The following COMMD1 variants were observed in gnomAD, a reference collection of about 807,000 sequenced individuals.
COMMD1 encodes the protein copper metabolism domain containing 1.
A neutral mutation model predicts 17.2 loss-of-function variants in COMMD1; 10 were observed. That is an observed-to-expected ratio of 0.58 (90% CI 0.36 to 0.99). The LOEUF (loss-of-function observed/expected upper bound fraction) is 0.99. Among genes scored for constraint, COMMD1 ranks in the 50% least tolerant of loss-of-function variants. COMMD1 has a pLI of 0.01. For missense variants in COMMD1, 270 were observed against 231.8 expected (o/e 1.17, Z -1.07); for synonymous variants, 97 against 91.6 (o/e 1.06, Z -0.34).
intron 1 of COMMD1, among the ~76,000 whole-genome samples, chr2:61,997,827 A>G (rs1668807025): frequency 6.6e-6 from 1 of 152,192 alleles, no homozygotes; most frequent in Admixed American, 6.5e-5. Context: ...ACTTCTCTCT[A>G]GCTGTGAAAG....
At chr2:61,889,264 T>G (rs1669355179) in intron 1 of COMMD1, among the ~76,000 whole-genome samples, 1 of 125,916 alleles carries the variant, frequency 7.9e-6, no homozygotes, top group Admixed American at 9.9e-5. Context: ...GGGAGTGCAG[T>G]GGGGCGATCT....
intron 2 of COMMD1, among the ~76,000 whole-genome samples, chr2:62,064,884 G>T (rs1290092327): frequency 6.6e-6 from 1 of 152,160 alleles, no homozygotes; most frequent in South Asian, 2.1e-4. Context: ...AATCTATGCT[G>T]TGCCAGGTGC....
At chr2:62,110,308 C>T (rs992427414) in intron 2 of COMMD1, among the ~76,000 whole-genome samples, 21 of 152,058 alleles carry the variant, frequency 1.4e-4, no homozygotes, top group African/African-American at 2.2e-4. Context: ...TAGGCTCAAG[C>T]GATCTTCCTG....
At chr2:61,986,572 T>C (rs945055983) in intron 1 of COMMD1, among the ~76,000 whole-genome samples, 27 of 145,056 alleles carry the variant, frequency 1.9e-4, no homozygotes, top group Non-Finnish European at 3.0e-4. Flanking sequence ...TTCTTTTTTT[T>C]TTTTTTTTTT....
At chr2:62,053,593 C>T (rs1670602616) in intron 2 of COMMD1, among the ~76,000 whole-genome samples, 1 of 152,148 alleles carries the variant, frequency 6.6e-6, no homozygotes, top group African/African-American at 2.4e-5. Context: ...CTTACCTCAG[C>T]AGTGAGATTT....
At chr2:62,004,550 C>A (rs1669060493) in intron 2 of COMMD1, among the ~76,000 whole-genome samples, 2 of 152,178 alleles carry the variant, frequency 1.3e-5, no homozygotes, top group South Asian at 4.1e-4. Context: ...GATCCACCCA[C>A]CTCGGCCTCC....
chr2:62,065,655 T>C (rs1465720631), intron 2 of COMMD1, among the ~76,000 whole-genome samples: 1 of 152,192 alleles, frequency 6.6e-6, no homozygotes, highest in Admixed American at 6.5e-5. Flanking sequence ...ACTGGAAATT[T>C]AATTGTTGCT....
chr2:62,037,851 C>T (rs998736917), intron 2 of COMMD1, among the ~76,000 whole-genome samples: 40 of 152,340 alleles, frequency 2.6e-4, no homozygotes, highest in Admixed American at 8.5e-4. Flanking sequence ...AGTTAGAAGA[C>T]TTATGTTCCA....
intron 1 of COMMD1, among the ~76,000 whole-genome samples, chr2:61,996,845 G>A (rs1377741196): frequency 6.6e-6 from 1 of 152,016 alleles, no homozygotes; most frequent in Non-Finnish European, 1.5e-5. Flanking sequence ...CTGAAATCTT[G>A]GACTCCTCGA....
intron 1 of COMMD1, among the ~76,000 whole-genome samples, chr2:61,960,247 ACTT>A (rs778896341): frequency 8.6e-5 from 13 of 152,040 alleles, no homozygotes; most frequent in South Asian, 2.1e-4. Flanking sequence ...TTTACTTTAT[ACTT>A]CTTCTTCAAA....
intron 2 of COMMD1, among the ~76,000 whole-genome samples, chr2:62,101,627 A>C (rs914915958): frequency 6.6e-6 from 1 of 151,820 alleles, no homozygotes; most frequent in Non-Finnish European, 1.5e-5. Flanking sequence ...CTCTATATAT[A>C]TATATATGGT....
chr2:62,097,430 G>C (rs1018820152), intron 2 of COMMD1, among the ~76,000 whole-genome samples: 4 of 152,230 alleles, frequency 2.6e-5, no homozygotes, highest in South Asian at 2.1e-4. Context: ...TGCCCATAGG[G>C]AGTCTGGTAC....
intron 2 of COMMD1, among the ~76,000 whole-genome samples, chr2:62,014,016 C>A (rs1156615534): frequency 6.6e-6 from 1 of 152,106 alleles, no homozygotes. Flanking sequence ...AAAAGAAAAT[C>A]ATTGTTTCTT....
At chr2:62,017,785 A>G (rs1669494612) in intron 2 of COMMD1, among the ~76,000 whole-genome samples, 1 of 151,646 alleles carries the variant, frequency 6.6e-6, no homozygotes, top group South Asian at 2.1e-4. Flanking sequence ...CGCCTATAAT[A>G]CCAGCACTTT....
intron 2 of COMMD1, among the ~76,000 whole-genome samples, chr2:62,052,707 A>T (rs564028022): frequency 1.8e-4 from 27 of 152,278 alleles, no homozygotes; most frequent in Non-Finnish European, 3.4e-4. Flanking sequence ...GGGACAGCTA[A>T]CTAGTGGTCA....
At chr2:62,097,762 T>G (rs2104013145) in intron 2 of COMMD1, among the ~76,000 whole-genome samples, 1 of 151,904 alleles carries the variant, frequency 6.6e-6, no homozygotes. Context: ...AGGGAGAGGG[T>G]TTTTAATCTA....
intron 2 of COMMD1, among the ~76,000 whole-genome samples, chr2:62,068,010 C>A (rs1473706877): frequency 1.3e-5 from 2 of 152,066 alleles, no homozygotes; most frequent in Admixed American, 1.3e-4. Context: ...TATCAAATTC[C>A]CACTAATGAA....
chr2:61,911,201 C>G (rs1432473438), intron 1 of COMMD1, among the ~76,000 whole-genome samples: 2 of 151,782 alleles, frequency 1.3e-5, no homozygotes, highest in Admixed American at 6.6e-5. Flanking sequence ...AGGCTGGGCT[C>G]AGTGGCTCAC....
intron 1 of COMMD1, among the ~76,000 whole-genome samples, chr2:61,989,060 A>T (rs1672179108): frequency 6.6e-6 from 1 of 152,094 alleles, no homozygotes; most frequent in Admixed American, 6.5e-5. Flanking sequence ...TACCCACTTC[A>T]GTTTGTTTTT....
Sources: gnomAD v4.1 joint callset for allele counts (sites outside exome capture counted in the v4.1 genomes callset) on GRCh38, gnomAD v4.1.1 for gene constraint, MANE v1.5 for transcripts, NCBI Gene and HGNC (gene_info 2026-07-23, HGNC 2026-07-21) for gene names.